Variants in SMYD3 observed in about 807,000 individuals in gnomAD.
SMYD3 encodes the protein histone-lysine N-methyltransferase SMYD3.
Under a neutral mutation model 57.7 loss-of-function variants are expected in SMYD3, and 36 were observed. The observed-to-expected ratio is 0.62, with a 90% CI of 0.48 to 0.82. The LOEUF (loss-of-function observed/expected upper bound fraction) is 0.82. SMYD3 is among the 40% of genes least tolerant of loss of function. The pLI is 0.00. For synonymous variants in SMYD3, 211 were observed against 195.0 expected (o/e 1.08, Z -0.68); for missense variants, 515 against 538.8 (o/e 0.96, Z 0.44).
At chr1:245,834,983 A>G (rs1430545688) in intron 10 of SMYD3, among the ~76,000 whole-genome samples, 9 of 152,218 alleles carry the variant, frequency 5.9e-5, no homozygotes, top group Admixed American at 5.9e-4. Context: ...GTGAACTTAC[A>G]GATACATAAG....
chr1:245,922,785 T>C (rs879424977), intron 7 of SMYD3, among the ~76,000 whole-genome samples: 1 of 152,174 alleles, frequency 6.6e-6, no homozygotes, highest in African/African-American at 2.4e-5. Context: ...CCCTCCACAC[T>C]GCGTAGTAGT....
intron 5 of SMYD3, among the ~76,000 whole-genome samples, chr1:246,083,841 G>T (rs1249591375): frequency 6.6e-6 from 1 of 151,946 alleles, no homozygotes; most frequent in Non-Finnish European, 1.5e-5. Context: ...ACACATAAAG[G>T]TCACAATTTG....
chr1:245,972,854 A>T (rs12058615), intron 5 of SMYD3, among the ~76,000 whole-genome samples: 17,980 of 152,240 alleles, frequency 0.12, 1,284 homozygotes, highest in East Asian at 0.22. Flanking sequence ...TACATTACAC[A>T]ATCAGTGAAA....
chr1:246,303,515 T>C (rs1357666976), intron 5 of SMYD3, among the ~76,000 whole-genome samples: 2 of 152,350 alleles, frequency 1.3e-5, no homozygotes, highest in East Asian at 3.9e-4. Context: ...ATGTAAACAC[T>C]ATATAAATTA....
At chr1:246,047,495 A>G (rs1244519384) in intron 5 of SMYD3, among the ~76,000 whole-genome samples, 1 of 152,202 alleles carries the variant, frequency 6.6e-6, no homozygotes, top group Admixed American at 6.5e-5. Flanking sequence ...TATTACCTCA[A>G]AGCATACACA....
intron 1 of SMYD3, among the ~76,000 whole-genome samples, chr1:246,450,741 A>G (rs1445141080): frequency 6.6e-6 from 1 of 152,230 alleles, no homozygotes; most frequent in African/African-American, 2.4e-5. Flanking sequence ...TAAACAAAGG[A>G]AGCAAACTGA....
chr1:246,465,244 A>C (rs2067864184), intron 1 of SMYD3, among the ~76,000 whole-genome samples: 1 of 152,256 alleles, frequency 6.6e-6, no homozygotes, highest in African/African-American at 2.4e-5. Context: ...AATCTGTTTC[A>C]TCAGACCCAA....
intron 1 of SMYD3, among the ~76,000 whole-genome samples, chr1:246,391,435 AG>A (rs1466862140): frequency 7.5e-6 from 1 of 133,538 alleles, no homozygotes; most frequent in African/African-American, 2.7e-5. Flanking sequence ...AGAGAGAGAG[AG>A]AGAGAAGGAG....
rs1458507124 is a variant in SMYD3 at position 246,355,462 on chromosome 1, CTGTAT to C, written c.165-373_165-369del. The C allele has an allele frequency of 5.8e-5, 11 of 189,754 alleles. 1 individual carries two copies. The highest frequency in any genetic ancestry group is 9.8e-5 in the Non-Finnish European group (9 of 91,850). The allele number at this position is 189,754 out of a possible 1,614,324, so 11.8% of individuals were successfully genotyped here. A position where few individuals can be genotyped will look rare whatever the true frequency, so the allele number is the denominator to read the frequency against. On this transcript the variant is annotated intron_variant, in intron 1 of 11. Coordinates refer to ENST00000490107, the MANE Select transcript of SMYD3 (RefSeq NM_001167740.2). This position sits in a 1 kb window ranked among gnomAD's most constrained non-coding sequence, Gnocchi z 5.0. ...AGAATCCACAGACCCTCTGAAGGAA[CTGTAT>C]CGCCACTGCAGGCTCCCTGAGACTC...
At chr1:245,851,376 G>C (rs2050967841) in intron 10 of SMYD3, among the ~76,000 whole-genome samples, 1 of 152,192 alleles carries the variant, frequency 6.6e-6, no homozygotes, top group Admixed American at 6.5e-5. Flanking sequence ...AGGAATGTGA[G>C]ATGTACCCAT....
At chr1:245,833,073 A>AAAAAAAAAAAAAAAAAAAAAAAAAAAAC in intron 10 of SMYD3, among the ~76,000 whole-genome samples, 9 of 128,654 alleles carry the variant, frequency 7.0e-5, no homozygotes, top group East Asian at 3.4e-4. Context: ...AAAAAAAAAA[A>AAAAAAAAAAAAAAAAAAAAAAAAAAAAC]AACCTGCTTT....
chr1:246,420,810 A>G (rs1193972845), intron 1 of SMYD3, among the ~76,000 whole-genome samples: 1 of 152,360 alleles, frequency 6.6e-6, no homozygotes, highest in East Asian at 1.9e-4. Context: ...GCCGTGGAGC[A>G]GGGCAAAAAA....
intron 5 of SMYD3, among the ~76,000 whole-genome samples, chr1:246,300,755 G>T (rs1290861776): frequency 1.3e-5 from 2 of 152,002 alleles, no homozygotes; most frequent in East Asian, 1.9e-4. Flanking sequence ...CTGTTGTGAA[G>T]ATTTAAAATA....
intron 1 of SMYD3, among the ~76,000 whole-genome samples, chr1:246,487,942 C>T (rs1017770454): frequency 4.6e-5 from 7 of 152,142 alleles, no homozygotes. Context: ...GATCTGCATG[C>T]CTCAGCCTCC....
intron 5 of SMYD3, among the ~76,000 whole-genome samples, chr1:246,093,778 T>C (rs1448526807): frequency 2.6e-5 from 4 of 152,084 alleles, no homozygotes; most frequent in South Asian, 2.1e-4. Context: ...TTAATTCCAA[T>C]AGAAATTCTA....
chr1:245,847,659 C>T (rs766402944), intron 10 of SMYD3, among the ~76,000 whole-genome samples: 1 of 152,102 alleles, frequency 6.6e-6, no homozygotes, highest in African/African-American at 2.4e-5. Context: ...GGAAGCCAAA[C>T]AAGAGACTGA....
At chr1:246,370,842 T>A (rs1024389212) in intron 1 of SMYD3, among the ~76,000 whole-genome samples, 23 of 152,328 alleles carry the variant, frequency 1.5e-4, no homozygotes, top group Middle Eastern at 3.4e-3. Flanking sequence ...GTAGCCAGAC[T>A]ACTTGGCTCT....
At chr1:246,229,352 T>C (rs1452214253) in intron 5 of SMYD3, among the ~76,000 whole-genome samples, 3 of 152,192 alleles carry the variant, frequency 2.0e-5, no homozygotes, top group Non-Finnish European at 2.9e-5. Flanking sequence ...TAATAACCTA[T>C]TGAATAAGTT....
intron 1 of SMYD3, among the ~76,000 whole-genome samples, chr1:246,446,674 G>A (rs2067554705): frequency 1.3e-5 from 2 of 152,172 alleles, no homozygotes; most frequent in Non-Finnish European, 2.9e-5. Flanking sequence ...TATGTAACTT[G>A]AGGCATCTGA....
Sources: allele counts gnomAD v4.1 joint callset (sites outside exome capture counted in the v4.1 genomes callset), GRCh38; gene constraint gnomAD v4.1.1; non-coding constraint Gnocchi (gnomAD v3.1); transcripts MANE v1.5; gene names NCBI Gene and HGNC (gene_info 2026-07-23, HGNC 2026-07-21).